The following RASGEF1C variants were observed in gnomAD, a reference collection of about 807,000 sequenced individuals.
RASGEF1C encodes ras-GEF domain-containing family member 1C.
In RASGEF1C, 27 loss-of-function variants were observed where a neutral mutation model predicts 58.1. The ratio of observed to expected loss-of-function variants is 0.46; its 90% CI spans 0.34 to 0.64. The LOEUF (loss-of-function observed/expected upper bound fraction) is 0.64. Among genes scored for constraint, RASGEF1C ranks in the 30% least tolerant of loss-of-function variants. RASGEF1C has a pLI of 0.01. For synonymous variants in RASGEF1C, 243 were observed against 246.3 expected, an observed-to-expected ratio of 0.99 and a Z score of 0.13; for missense variants, 502 against 605.1, an observed-to-expected ratio of 0.83 and a Z score of 1.79.
chr5:180,189,506 G>C (rs10077939), intron 1 of RASGEF1C, among the ~76,000 whole-genome samples: 2 of 152,106 alleles, frequency 1.3e-5, no homozygotes, highest in African/African-American at 2.4e-5. Flanking sequence ...AATGGAGTAA[G>C]GACATCAAGA....
rs1766302507 is a variant in RASGEF1C at position 180,128,462 on chromosome 5, C to G, written c.587G>C (p.Gly196Ala). ...PPASIHRELL[G>A]VCSDPYTLAQ... Reference sequence around the variant, plus strand: ...CAGTGTGTAGGGGTCGCTGCAGACACCAAGGAGCTCCCTGTGGATGGAGGC... The same window carrying G: ...CAGTGTGTAGGGGTCGCTGCAGACAGCAAGGAGCTCCCTGTGGATGGAGGC... The change falls in exon 5 of 14, where the codon GGT becomes GCT. Residue 196 changes from glycine (G) to alanine (A), a missense_variant. Gly to Ala is a moderately conservative substitution (Grantham distance 60). Transcript: ENST00000361132. 6.2e-7 allele frequency: 1 copy of G among 1,613,974 alleles called. No individual in the cohort carries two copies. Among genetic ancestry groups the G allele is most frequent in the African/African-American group, 1.3e-5 (1 of 74,924 alleles).
In RASGEF1C at chr5:180,143,374, T is replaced by C. The variant is rs574480139; in HGVS notation, c.-6-5316A>G. 2.0e-4 allele frequency among the ~76,000 whole-genome samples: 30 copies of C among 152,306 alleles called. No homozygotes were observed. The South Asian group carries it at 6.0e-3, about 31-fold the overall frequency. The stretch of plus-strand genomic sequence containing the variant: ...AATGTGTGCAGGGACAGGGGCACCA[T>C]GTGGTGCGTTTATAAGGAAGGCCAG... On this transcript the variant is annotated intron_variant, in intron 1 of 13. Transcript: ENST00000361132. The surrounding 1 kb of genome is among the most constrained non-coding windows in gnomAD (Gnocchi z 4.3).
At chr5:180,173,410 G>C (rs1023599519) in intron 1 of RASGEF1C, among the ~76,000 whole-genome samples, 1 of 152,188 alleles carries the variant, frequency 6.6e-6, no homozygotes, top group Non-Finnish European at 1.5e-5. Flanking sequence ...GCCATGAAGG[G>C]GACCCTGAGG....
At chr5:180,193,754 A>G (rs1282430930) in intron 1 of RASGEF1C, among the ~76,000 whole-genome samples, 1 of 152,240 alleles carries the variant, frequency 6.6e-6, no homozygotes, top group East Asian at 1.9e-4. Context: ...TAATGGGGGC[A>G]TCAGATTACA....
chr5:180,156,702 G>T lies in RASGEF1C; in HGVS notation c.-6-18644C>A, dbSNP rs1244311306. Among the ~76,000 whole-genome samples, 1 of 152,000 alleles carries T rather than the reference G, an allele frequency of 6.6e-6. No individual in the cohort carries two copies. Among genetic ancestry groups the T allele is most frequent in the Non-Finnish European group, 1.5e-5 (1 of 68,002 alleles). On this transcript the variant is annotated intron_variant, in intron 1 of 13. Coordinates refer to ENST00000361132, the MANE Select transcript of RASGEF1C (RefSeq NM_175062.4). This position sits in a 1 kb window ranked among gnomAD's most constrained non-coding sequence, Gnocchi z 4.9. ...TGGGAGGATCACCTGAACCCAGGAA[G>T]TTGAGGCTGCAGTAAGCCGAGATCG...
chr5:180,207,420 AG>A (rs1756507815), intron 1 of RASGEF1C, among the ~76,000 whole-genome samples: 1 of 152,214 alleles, frequency 6.6e-6, no homozygotes, highest in South Asian at 2.1e-4. Context: ...CAAGGAACCA[AG>A]GCCCCTTGGA....
chr5:180,152,939 T>C (rs923127367), intron 1 of RASGEF1C, among the ~76,000 whole-genome samples: 3 of 148,638 alleles, frequency 2.0e-5, no homozygotes, highest in African/African-American at 2.5e-5. Flanking sequence ...AAAAAAGTTA[T>C]AGGTTGCCTC....
intron 1 of RASGEF1C, among the ~76,000 whole-genome samples, chr5:180,202,062 G>C (rs1452538211): frequency 2.6e-5 from 4 of 151,864 alleles, no homozygotes; most frequent in Non-Finnish European, 5.9e-5. Context: ...CCCAAAAAAA[G>C]GTAAATGTGA....
At chr5:180,208,545 G>C (rs1374361842) in intron 1 of RASGEF1C, among the ~76,000 whole-genome samples, 2 of 152,136 alleles carry the variant, frequency 1.3e-5, no homozygotes, top group Admixed American at 1.3e-4. Context: ...AGTGGCGCTG[G>C]TCCTTTCCTC....
Position 180,197,982 on chromosome 5 carries a change from G to A in RASGEF1C, c.-7+11046C>T, listed in dbSNP as rs1756310444. Among the ~76,000 whole-genome samples the A allele has an allele frequency of 6.6e-6, 1 of 152,228 alleles. No homozygotes were observed. Among genetic ancestry groups the A allele is most frequent in the Non-Finnish European group, 1.5e-5 (1 of 68,040 alleles). The stretch of plus-strand genomic sequence containing the variant: ...TTAGGATGCTGGTGTGGGTCCGGAA[G>A]GCATTGAACTGGCAACAGCGGTGCC... On this transcript the variant is annotated intron_variant, in intron 1 of 13. Transcript: ENST00000361132. The surrounding 1 kb of genome is among the most constrained non-coding windows in gnomAD (Gnocchi z 4.7).
At chr5:180,127,745 G>T in intron 5 of RASGEF1C, 62 bp from the exon 6 acceptor site, 1 of 1,507,904 alleles carries the variant, frequency 6.6e-7, no homozygotes, top group Non-Finnish European at 9.0e-7. Flanking sequence ...TGTCCACTGG[G>T]GGGCCTGCCG....
chr5:180,114,387 T>C, intron 11 of RASGEF1C, 59 bp downstream of exon 11: 2 of 1,535,066 alleles, frequency 1.3e-6, no homozygotes, highest in South Asian at 2.3e-5. Flanking sequence ...CCAGTGGTCC[T>C]GCCCTGGGAA....
At chr5:180,180,120 G>C (rs1164328081) in intron 1 of RASGEF1C, among the ~76,000 whole-genome samples, 1 of 152,178 alleles carries the variant, frequency 6.6e-6, no homozygotes, top group African/African-American at 2.4e-5. Context: ...AGCAGCTCTG[G>C]GGGGAAAGCC....
intron 1 of RASGEF1C, among the ~76,000 whole-genome samples, chr5:180,200,982 C>T (rs921733533): frequency 6.6e-6 from 1 of 152,138 alleles, no homozygotes; most frequent in Non-Finnish European, 1.5e-5. Context: ...CTTGTGGTCT[C>T]AGCTACTCGG....
At chr5:180,207,326 T>G (rs752311659) in intron 1 of RASGEF1C, among the ~76,000 whole-genome samples, 50 of 152,220 alleles carry the variant, frequency 3.3e-4, no homozygotes, top group Non-Finnish European at 5.9e-4. Flanking sequence ...TATTAATTTT[T>G]AGTAAAAAAG....
In RASGEF1C at chr5:180,111,793, T is replaced by G. The variant is rs1006222217; in HGVS notation, c.1180-213A>C. ...CCTGGTTTTATGTCATTGTATTTAC[T>G]TTGTTGTTATCCTCTATGTATGGCA... On this transcript the variant is annotated intron_variant, in intron 11 of 13. Transcript: ENST00000361132. Among the ~76,000 whole-genome samples, 6 of 152,346 alleles carry G rather than the reference T, an allele frequency of 3.9e-5. No homozygotes were observed. In the South Asian group the frequency reaches 6.2e-4, roughly 16 times the overall value.
chr5:180,163,252 TCCA>T lies in RASGEF1C; in HGVS notation c.-6-25197_-6-25195del, dbSNP rs1211769191. Among the ~76,000 whole-genome samples the T allele has an allele frequency of 7.0e-4, 57 of 80,908 alleles. 3 individuals are homozygous for T. Among genetic ancestry groups the T allele is most frequent in the Admixed American group, 9.3e-4 (6 of 6,438 alleles). 53.1% of individuals were successfully genotyped at this position (80,908 alleles called of 152,430 possible). On this transcript the variant is annotated intron_variant, in intron 1 of 13. Coordinates refer to ENST00000361132, the MANE Select transcript of RASGEF1C (RefSeq NM_175062.4). ...CTCACTTTTTTTTTTTTTTTTTTTT[TCCA>T]GCCTATTGCACTGGCTAGGACTTCC...
chr5:180,140,032 G>GGCCAGGAGGCTGCCACTTTAAAGAGACA, intron 1 of RASGEF1C, among the ~76,000 whole-genome samples: 1 of 152,316 alleles, frequency 6.6e-6, no homozygotes, highest in South Asian at 2.1e-4. Context: ...TTCTGAAGGA[G>GGCCAGGAGGCTGCCACTTTAAAGAGACA]GCCAGGAGGC....
At chr5:180,182,267 C>T (rs1056957269) in intron 1 of RASGEF1C, among the ~76,000 whole-genome samples, 3 of 142,326 alleles carry the variant, frequency 2.1e-5, no homozygotes, top group Non-Finnish European at 4.6e-5. Context: ...GAGTGTTACA[C>T]AGCTCTTAAA....
Sources: allele counts gnomAD v4.1 joint callset (sites outside exome capture counted in the v4.1 genomes callset), GRCh38; gene constraint gnomAD v4.1.1; non-coding constraint Gnocchi (gnomAD v3.1); transcripts MANE v1.5; gene names NCBI Gene and HGNC (gene_info 2026-07-23, HGNC 2026-07-21).